Variants in PLCZ1 observed in about 807,000 individuals in gnomAD.
The protein encoded by PLCZ1 is phospholipase C zeta 1.
A neutral mutation model predicts 76.8 loss-of-function variants in PLCZ1; 64 were observed. That is an observed-to-expected ratio of 0.83 (90% CI 0.68 to 1.03). The LOEUF is 1.03. PLCZ1 is among the 50% of genes least tolerant of loss of function. PLCZ1 has a pLI of 0.00. For synonymous variants in PLCZ1, 248 were observed against 230.8 expected (o/e 1.07, Z -0.68); for missense variants, 751 against 713.7 (o/e 1.05, Z -0.60).
chr12:18,650,094 A>T, the PLCZ1 span, among the ~76,000 whole-genome samples: 30 of 152,184 alleles, frequency 2.0e-4, no homozygotes, highest in African/African-American at 6.7e-4. Flanking sequence ...AGAGATGAGT[A>T]ACAAACTGCC....
At chr12:18,705,366 G>GCCT in intron 6 of PLCZ1, 51 bp from the exon 7 acceptor site, 1 of 1,596,726 alleles carries the variant, frequency 6.3e-7, no homozygotes, top group Non-Finnish European at 8.6e-7. Flanking sequence ...CTAAATAATT[G>GCCT]TAAGGCAATT....
the PLCZ1 span, among the ~76,000 whole-genome samples, chr12:18,649,794 A>T: frequency 0.068 from 10,414 of 152,164 alleles, 403 homozygotes; most frequent in African/African-American, 0.083. Flanking sequence ...ATCTTCCTGG[A>T]TATATTTTCT....
At chr12:18,653,912 A>G in the PLCZ1 span, among the ~76,000 whole-genome samples, 4 of 152,144 alleles carry the variant, frequency 2.6e-5, no homozygotes, top group Non-Finnish European at 5.9e-5. Context: ...TTCAGAAAGC[A>G]ATTTAAAGGA....
intron 3 of PLCZ1, among the ~76,000 whole-genome samples, chr12:18,734,982 C>A (rs1448724581): frequency 6.6e-6 from 1 of 152,114 alleles, no homozygotes; most frequent in African/African-American, 2.4e-5. Context: ...TAAATTTTGT[C>A]ACATGCTTTT....
intron 7 of PLCZ1, among the ~76,000 whole-genome samples, chr12:18,703,043 G>A (rs181703975): frequency 4.6e-5 from 7 of 152,178 alleles, no homozygotes; most frequent in African/African-American, 1.4e-4. Context: ...TGAAAGCTAT[G>A]TACGGGAATG....
chr12:18,708,253 CATAA>C (rs1239366476), intron 6 of PLCZ1, among the ~76,000 whole-genome samples: 1 of 152,128 alleles, frequency 6.6e-6, no homozygotes, highest in Admixed American at 6.6e-5. Flanking sequence ...CTAAATTCCA[CATAA>C]AAGTGAGATC....
chr12:18,710,235 G>A (rs1957132467), intron 6 of PLCZ1, among the ~76,000 whole-genome samples: 1 of 148,802 alleles, frequency 6.7e-6, no homozygotes, highest in Non-Finnish European at 1.5e-5. Context: ...ATCCTTGCAA[G>A]GCCTTTGAAT....
At chr12:18,731,614 C>T (rs1959055875) in intron 3 of PLCZ1, among the ~76,000 whole-genome samples, 2 of 140,280 alleles carry the variant, frequency 1.4e-5, no homozygotes, top group Admixed American at 1.6e-4. Flanking sequence ...CAATTGGTAG[C>T]TTGCAGGGAG....
At chr12:18,681,055 T>C (rs1952359182), downstream of PLCZ1, among the ~76,000 whole-genome samples, 1 of 152,042 alleles carries the variant, frequency 6.6e-6, no homozygotes, top group African/African-American at 2.4e-5. Flanking sequence ...TCCGGAATGT[T>C]CTTGTCTTTG....
intron 10 of PLCZ1, among the ~76,000 whole-genome samples, chr12:18,699,236 G>C (rs1955542696): frequency 6.6e-6 from 1 of 152,030 alleles, no homozygotes; most frequent in Non-Finnish European, 1.5e-5. Context: ...TTCACCATAG[G>C]CATAGAGCCT....
At chr12:18,696,341 T>G in intron 10 of PLCZ1, 75 bp from the exon 11 acceptor site, 1 of 258,446 alleles carries the variant, frequency 3.9e-6, no homozygotes, top group Non-Finnish European at 6.6e-6. Flanking sequence ...TATATATATA[T>G]ATATATATAT....
chr12:18,667,167 G>A, the PLCZ1 span, among the ~76,000 whole-genome samples: 2 of 152,116 alleles, frequency 1.3e-5, no homozygotes, highest in African/African-American at 4.8e-5. Flanking sequence ...TCATGATGAG[G>A]GTTGCCACCA....
intron 4 of PLCZ1, among the ~76,000 whole-genome samples, chr12:18,722,419 A>G (rs1030991963): frequency 1.3e-5 from 2 of 152,080 alleles, no homozygotes; most frequent in Non-Finnish European, 2.9e-5. Flanking sequence ...GATCCAATGC[A>G]GAAATAAGTT....
At chr12:18,685,319 A>G (rs914137591) in intron 13 of PLCZ1, among the ~76,000 whole-genome samples, 3 of 152,070 alleles carry the variant, frequency 2.0e-5, no homozygotes, top group Admixed American at 6.6e-5. Flanking sequence ...GACCCAAATC[A>G]TCCAAAAAGT....
the PLCZ1 span, among the ~76,000 whole-genome samples, chr12:18,652,066 C>G: frequency 6.6e-6 from 1 of 152,040 alleles, no homozygotes; most frequent in Non-Finnish European, 1.5e-5. Flanking sequence ...TAAAGTTAGG[C>G]AGATGATAAT....
chr12:18,732,004 C>T (rs914066997), intron 3 of PLCZ1, among the ~76,000 whole-genome samples: 1 of 151,888 alleles, frequency 6.6e-6, no homozygotes, highest in Non-Finnish European at 1.5e-5. Context: ...TTTTTAAATC[C>T]ATTTATTGAG....
chr12:18,701,354 G>C, intron 9 of PLCZ1, 147 bp downstream of exon 9: 2 of 1,408,484 alleles, frequency 1.4e-6, no homozygotes, highest in South Asian at 2.8e-5. Context: ...TTCCACCATC[G>C]ATGTTTTCAA....
At chr12:18,671,396 C>T in the PLCZ1 span, among the ~76,000 whole-genome samples, 4 of 151,798 alleles carry the variant, frequency 2.6e-5, no homozygotes, top group African/African-American at 7.3e-5. Flanking sequence ...AGAAAGAACA[C>T]GAGAGCCTGG....
At chr12:18,675,836 G>A in the PLCZ1 span, among the ~76,000 whole-genome samples, 1 of 151,768 alleles carries the variant, frequency 6.6e-6, no homozygotes, top group Non-Finnish European at 1.5e-5. Flanking sequence ...TGAACAGATA[G>A]GTAAATAATA....
Sources: allele counts gnomAD v4.1 joint callset (sites outside exome capture counted in the v4.1 genomes callset), GRCh38; gene constraint gnomAD v4.1.1; transcripts MANE v1.5; gene names NCBI Gene and HGNC (gene_info 2026-07-23, HGNC 2026-07-21).